The following ACTR3B variants were observed in gnomAD, a reference collection of about 807,000 sequenced individuals.
ACTR3B encodes actin-related protein 3B.
In ACTR3B, 8 loss-of-function variants were observed where a neutral mutation model predicts 59.0. That is an observed-to-expected ratio of 0.14 (90% CI 0.08 to 0.24). The LOEUF (loss-of-function observed/expected upper bound fraction) is 0.24, where lower values mean the gene tolerates loss of function less well. ACTR3B is among the 10% of genes least tolerant of loss of function. The pLI, the probability that ACTR3B is intolerant of heterozygous loss-of-function variation, is 1.00. For missense variants in ACTR3B, 245 were observed against 552.3 expected (o/e 0.44, Z 5.58); for synonymous variants, 148 against 197.9 (o/e 0.75, Z 2.12).
intron 1 of ACTR3B, among the ~76,000 whole-genome samples, chr7:152,765,210 C>T (rs1269126119): frequency 1.3e-5 from 2 of 150,220 alleles, no homozygotes; most frequent in East Asian, 3.9e-4. Context: ...CTCCGCCTCC[C>T]GGGTTCAAGT....
At position 152,792,953 on chromosome 7, in the gene ACTR3B, T is replaced by C. The variant is rs559674115; in HGVS notation, c.101-7578T>C. On this transcript the variant is annotated intron_variant, in intron 2 of 11. Transcript: ENST00000256001. Reference sequence around the variant, plus strand: ...ATGGACAGTTCTTTCAGCACAAAAATGTTGTGGTACCTTTTTTTTTGGTGT... The same window carrying C: ...ATGGACAGTTCTTTCAGCACAAAAACGTTGTGGTACCTTTTTTTTTGGTGT... Among the ~76,000 whole-genome samples, 99 of 151,940 alleles carry C rather than the reference T, an allele frequency of 6.5e-4. 2 individuals carry two copies. The South Asian group carries it at 0.019, about 30-fold the overall frequency.
chr7:152,834,669 TC>T (rs1339665813), intron 9 of ACTR3B, among the ~76,000 whole-genome samples: 8 of 152,204 alleles, frequency 5.3e-5, no homozygotes, highest in Non-Finnish European at 1.0e-4. Flanking sequence ...AACTCTTTTT[TC>T]TGTATTTAGG....
At chr7:152,829,186 T>C (rs1472851792) in intron 9 of ACTR3B, among the ~76,000 whole-genome samples, 3 of 152,080 alleles carry the variant, frequency 2.0e-5, no homozygotes, top group African/African-American at 7.2e-5. Context: ...ATCCATCACC[T>C]CACACAGCTA....
rs1798783494 is a variant in ACTR3B, at chr7:152,851,302, T to C, written c.952-824T>C. Among the ~76,000 whole-genome samples the C allele has an allele frequency of 3.3e-5, 5 of 152,306 alleles. 1 individual carries two copies. In the South Asian group the frequency reaches 1.0e-3, roughly 32 times the overall value. On this transcript the variant is annotated intron_variant, in intron 9 of 11. Transcript: ENST00000256001. ...TCTGTACCATACTCACCCTTCCTCA[T>C]CTTGTGAGGGTGTGAGATGATGCAG...
At chr7:152,853,632 T>C in intron 11 of ACTR3B, 55 bp downstream of exon 11, 1 of 1,505,364 alleles carries the variant, frequency 6.6e-7, no homozygotes, top group Admixed American at 1.8e-5. Flanking sequence ...TCGGTTGAGT[T>C]TGGGTAAATA....
rs1799059571 is a variant in ACTR3B, at chr7:152,854,031, T to C, written c.1162-427T>C. 6.6e-6 allele frequency among the ~76,000 whole-genome samples: 1 copy of C among 152,302 alleles called. No individual in the cohort carries two copies. Among genetic ancestry groups the C allele is most frequent in the South Asian group, 2.1e-4 (1 of 4,822 alleles). ...GTGTGAGCCTCTGTGCCCGGCCCGA[T>C]ATAAACTATATCTTAATAATCACAC... On this transcript the variant is annotated intron_variant, in intron 11 of 11. Transcript: ENST00000256001. This position sits in a 1 kb window ranked among gnomAD's most constrained non-coding sequence, Gnocchi z 4.9.
chr7:152,771,740 CAG>C (rs772903059), intron 1 of ACTR3B, among the ~76,000 whole-genome samples: 1 of 152,154 alleles, frequency 6.6e-6, no homozygotes, highest in Non-Finnish European at 1.5e-5. Context: ...GTAAAAAATT[CAG>C]AGTCATTAAA....
chr7:152,851,977 G>T, intron 9 of ACTR3B, 149 bp from the exon 10 acceptor site: 2 of 1,008,132 alleles, frequency 2.0e-6, no homozygotes, highest in South Asian at 1.5e-5. Flanking sequence ...TTTTCCAATA[G>T]CATTAAGTTT....
intron 1 of ACTR3B, among the ~76,000 whole-genome samples, chr7:152,766,480 A>G (rs768277345): frequency 5.3e-5 from 8 of 152,134 alleles, no homozygotes; most frequent in Non-Finnish European, 1.0e-4. Flanking sequence ...GCATTTAGGG[A>G]ATGGTGGGAA....
At chr7:152,832,677 A>T (rs1308917111) in intron 9 of ACTR3B, among the ~76,000 whole-genome samples, 1 of 152,148 alleles carries the variant, frequency 6.6e-6, no homozygotes, top group Non-Finnish European at 1.5e-5. Context: ...CTCTATCTCT[A>T]CATTATCTAT....
chr7:152,853,898 A>T (rs111857361), intron 11 of ACTR3B, among the ~76,000 whole-genome samples: 55 of 151,056 alleles, frequency 3.6e-4, no homozygotes, highest in African/African-American at 1.3e-3. Flanking sequence ...TTTTTGTTGT[A>T]TTTTTAGTAA....
In ACTR3B at chr7:152,854,395, A is replaced by G. The variant is rs1337166966; in HGVS notation, c.1162-63A>G. ...GAGGAGAGTGTCTTGCCTGCTTGGT[A>G]GCTGGTTCCCTTGACTTTCTTCTGA... On this transcript the variant is annotated intron_variant, in intron 11 of 11. Coordinates refer to ENST00000256001, the MANE Select transcript of ACTR3B (RefSeq NM_020445.6). This position sits in a 1 kb window ranked among gnomAD's most constrained non-coding sequence, Gnocchi z 4.9. 5.4e-6 allele frequency: 8 copies of G among 1,475,628 alleles called. No individual in the cohort carries two copies. The highest frequency in any genetic ancestry group is 7.6e-6 in the Non-Finnish European group (8 of 1,054,900). The allele number at this position is 1,475,628 out of a possible 1,614,324, so 91.4% of individuals were successfully genotyped here. A position where few individuals can be genotyped will look rare whatever the true frequency, so the allele number is the denominator to read the frequency against.
At chr7:152,834,657 C>T (rs1797302142) in intron 9 of ACTR3B, among the ~76,000 whole-genome samples, 2 of 152,166 alleles carry the variant, frequency 1.3e-5, no homozygotes. Context: ...TGTTTCGATA[C>T]CAACTCTTTT....
intron 9 of ACTR3B, among the ~76,000 whole-genome samples, chr7:152,836,460 A>T (rs1797465122): frequency 1.3e-5 from 2 of 151,992 alleles, no homozygotes; most frequent in African/African-American, 4.8e-5. Flanking sequence ...GGTGGAACGC[A>T]CCTGTGGTCC....
At chr7:152,823,735 A>G (rs1796365322) in intron 8 of ACTR3B, among the ~76,000 whole-genome samples, 1 of 152,218 alleles carries the variant, frequency 6.6e-6, no homozygotes, top group Non-Finnish European at 1.5e-5. Flanking sequence ...GTTATACCAC[A>G]AATAGGAAGA....
intron 11 of ACTR3B, 145 bp downstream of exon 11, chr7:152,853,722 T>C (rs1045833485): frequency 2.8e-6 from 2 of 720,262 alleles, no homozygotes; most frequent in Middle Eastern, 7.1e-4. Context: ...AATTATATCT[T>C]TTTTGTTTTT....
intron 2 of ACTR3B, among the ~76,000 whole-genome samples, chr7:152,785,493 CAGAGAGAGAG>C (rs1194127436): frequency 1.7e-5 from 1 of 58,676 alleles, no homozygotes; most frequent in South Asian, 7.2e-4. Context: ...GAGAGAGAGA[CAGAGAGAGAG>C]AGAGAGAGGA....
At chr7:152,759,990 C>T in intron 1 of ACTR3B, 64 bp downstream of exon 1, 1 of 1,270,902 alleles carries the variant, frequency 7.9e-7, no homozygotes, top group Admixed American at 3.8e-5. Context: ...CTGGCGTCCA[C>T]CTCGCCTGGA....
At chr7:152,804,334 A>G (rs1443568531) in intron 4 of ACTR3B, among the ~76,000 whole-genome samples, 1 of 152,230 alleles carries the variant, frequency 6.6e-6, no homozygotes, top group Non-Finnish European at 1.5e-5. Flanking sequence ...AGAGCAAACA[A>G]GCAGCACATG....
Sources: gnomAD v4.1 joint callset for allele counts (sites outside exome capture counted in the v4.1 genomes callset) on GRCh38, gnomAD v4.1.1 for gene constraint, Gnocchi (gnomAD v3.1) non-coding constraint, MANE v1.5 for transcripts, NCBI Gene and HGNC (gene_info 2026-07-23, HGNC 2026-07-21) for gene names.